Variants in NELL2 observed in about 807,000 individuals in gnomAD.
NELL2 encodes the protein protein kinase C-binding protein NELL2.
Under a neutral mutation model 109.6 loss-of-function variants are expected in NELL2, and 41 were observed. That is an observed-to-expected ratio of 0.37 (90% CI 0.29 to 0.49). NELL2 has a LOEUF of 0.49. Ranked by LOEUF, NELL2 falls within the 20% of genes least tolerant of loss-of-function variation. The pLI is 0.98. For missense variants in NELL2, 900 were observed against 1,008.3 expected, an observed-to-expected ratio of 0.89 and a Z score of 1.45; for synonymous variants, 355 against 344.7, an observed-to-expected ratio of 1.03 and a Z score of -0.33.
intron 15 of NELL2, among the ~76,000 whole-genome samples, chr12:44,562,988 A>C (rs1943524275): frequency 6.6e-6 from 1 of 152,182 alleles, no homozygotes; most frequent in Admixed American, 6.5e-5. Flanking sequence ...ACGCAGCCAT[A>C]AAAAAGGATG....
chr12:44,829,793 T>C (rs1943829784), intron 2 of NELL2, among the ~76,000 whole-genome samples: 1 of 152,050 alleles, frequency 6.6e-6, no homozygotes, highest in South Asian at 2.1e-4. Context: ...TAGTACCTGG[T>C]TATTTCTTAA....
chr12:44,648,881 G>T (rs1448752034), intron 13 of NELL2, among the ~76,000 whole-genome samples: 1 of 143,564 alleles, frequency 7.0e-6, no homozygotes, highest in Non-Finnish European at 1.5e-5. Flanking sequence ...GATTACAGGC[G>T]CATGCCACCA....
chr12:44,714,599 C>T, intron 10 of NELL2, 51 bp downstream of exon 10: 1 of 1,167,824 alleles, frequency 8.6e-7, no homozygotes, highest in Middle Eastern at 1.9e-4. Context: ...AAACTTTTAT[C>T]TTGTTTATAA....
chr12:44,558,543 T>C (rs1289138624), intron 15 of NELL2, among the ~76,000 whole-genome samples: 3 of 151,644 alleles, frequency 2.0e-5, no homozygotes, highest in African/African-American at 4.8e-5. Flanking sequence ...CGGGAGGGGG[T>C]GCGTCACCTC....
chr12:44,847,263 G>A (rs978208303), intron 2 of NELL2, among the ~76,000 whole-genome samples: 3 of 152,130 alleles, frequency 2.0e-5, no homozygotes, highest in Admixed American at 6.5e-5. Context: ...CCTCATTCTC[G>A]TGAAGTAAGG....
chr12:44,863,892 C>T (rs2658957), intron 2 of NELL2, among the ~76,000 whole-genome samples: 121,485 of 152,048 alleles, frequency 0.8, 48,983 homozygotes, highest in Middle Eastern at 0.94. Flanking sequence ...AAGATGCAAA[C>T]GGTGCATTAA....
intron 3 of NELL2, among the ~76,000 whole-genome samples, chr12:44,796,034 A>G (rs1313775783): frequency 6.6e-6 from 1 of 152,142 alleles, no homozygotes; most frequent in Non-Finnish European, 1.5e-5. Flanking sequence ...ACTAACTGTG[A>G]TAACAGGCAA....
chr12:44,551,127 TA>T (rs1198561693), intron 15 of NELL2, among the ~76,000 whole-genome samples: 1 of 152,166 alleles, frequency 6.6e-6, no homozygotes, highest in Non-Finnish European at 1.5e-5. Context: ...TATGTATCCC[TA>T]AACTCATCAA....
intron 2 of NELL2, among the ~76,000 whole-genome samples, chr12:44,855,315 G>A (rs1944651820): frequency 6.6e-6 from 1 of 152,136 alleles, no homozygotes. Context: ...GATTCACTAA[G>A]TTTAGGAAAG....
intron 9 of NELL2, among the ~76,000 whole-genome samples, chr12:44,730,654 A>AG (rs1347217022): frequency 6.6e-6 from 1 of 151,586 alleles, no homozygotes; most frequent in Non-Finnish European, 1.5e-5. Flanking sequence ...GGAAGTTTAT[A>AG]GGGGTAAATG....
intron 2 of NELL2, among the ~76,000 whole-genome samples, chr12:44,846,398 T>C (rs1206093126): frequency 2.0e-5 from 3 of 152,226 alleles, no homozygotes; most frequent in African/African-American, 4.8e-5. Context: ...ATGACTTCTT[T>C]AGTGCCACTG....
intron 16 of NELL2, among the ~76,000 whole-genome samples, chr12:44,531,639 T>A (rs1942065325): frequency 6.6e-6 from 1 of 152,226 alleles, no homozygotes; most frequent in Non-Finnish European, 1.5e-5. Flanking sequence ...GTTTCACTTG[T>A]CTCTTTGTGA....
chr12:44,568,243 T>C (rs1654833213), intron 15 of NELL2, among the ~76,000 whole-genome samples: 1 of 152,132 alleles, frequency 6.6e-6, no homozygotes, highest in Non-Finnish European at 1.5e-5. Flanking sequence ...CAGCAGAGTA[T>C]CACAATTTCA....
At chr12:44,879,367 T>A (rs940788737), upstream of NELL2, among the ~76,000 whole-genome samples, 3 of 152,280 alleles carry the variant, frequency 2.0e-5, no homozygotes, top group Admixed American at 6.5e-5. Context: ...CACGGAAAAC[T>A]AATATAAGTA....
intron 9 of NELL2, among the ~76,000 whole-genome samples, chr12:44,738,577 T>C (rs892758497): frequency 6.6e-6 from 1 of 151,844 alleles, no homozygotes; most frequent in East Asian, 1.9e-4. Flanking sequence ...AAATCCTGCA[T>C]AGTCTCACTT....
intron 13 of NELL2, among the ~76,000 whole-genome samples, chr12:44,623,015 A>AT (rs1320733264): frequency 1.3e-5 from 2 of 152,090 alleles, no homozygotes; most frequent in African/African-American, 4.8e-5. Flanking sequence ...TATTTCTAAC[A>AT]TTTTAGAGCT....
At chr12:44,830,908 C>G (rs574665323) in intron 2 of NELL2, among the ~76,000 whole-genome samples, 1 of 152,004 alleles carries the variant, frequency 6.6e-6, no homozygotes, top group South Asian at 2.1e-4. Context: ...TCTCTGTTGT[C>G]CCTCAGGAAT....
chr12:44,639,412 C>T (rs541846294), intron 13 of NELL2, among the ~76,000 whole-genome samples: 9 of 152,246 alleles, frequency 5.9e-5, no homozygotes, highest in Admixed American at 1.3e-4. Context: ...CCACCCGCAG[C>T]GCACTCATAA....
Position 44,535,393 on chromosome 12 carries a change from A to G in NELL2, c.1664-2672T>C, listed in dbSNP as rs1389468. Among the ~76,000 whole-genome samples the G allele has an allele frequency of 6.4e-3, 970 of 152,174 alleles. 9 individuals carry two copies. The highest frequency in any genetic ancestry group is 0.022 in the African/African-American group (932 of 41,564). ...GGGACCATCTGTGTAAGTTTCATGC[A>G]TTAATTTACATATTCAGTATTTATT... On this transcript the variant is annotated intron_variant, in intron 15 of 19. Transcript: ENST00000429094.
Sources: allele counts gnomAD v4.1 joint callset (sites outside exome capture counted in the v4.1 genomes callset), GRCh38; gene constraint gnomAD v4.1.1; transcripts MANE v1.5; gene names NCBI Gene and HGNC (gene_info 2026-07-23, HGNC 2026-07-21).